AVEN: variants seen among roughly 807,000 people sequenced by gnomAD.
The protein encoded by AVEN is cell death regulator Aven.
Under a neutral mutation model 38.1 loss-of-function variants are expected in AVEN, and 41 were observed. The observed-to-expected ratio is 1.08, with a 90% CI of 0.84 to 1.40. The LOEUF is 1.40. Among genes scored for constraint, AVEN ranks in the 40% most tolerant of loss-of-function variants. The probability of loss-of-function intolerance (pLI) is 0.00; values close to 1 mark genes in which losing one functional copy is unlikely to be tolerated. For synonymous variants in AVEN, 206 were observed against 171.8 expected, an observed-to-expected ratio of 1.20 and a Z score of -1.56; for missense variants, 605 against 438.8, an observed-to-expected ratio of 1.38 and a Z score of -3.38.
chr15:33,899,594 G>A (rs376714678), intron 2 of AVEN, among the ~76,000 whole-genome samples: 18 of 148,706 alleles, frequency 1.2e-4, no homozygotes, highest in East Asian at 8.0e-4. Flanking sequence ...TCAGCCTCCC[G>A]AGTAGCTGGA....
chr15:34,059,021 C>G (rs1030157740), intron 5 of AVEN, among the ~76,000 whole-genome samples: 1 of 152,138 alleles, frequency 6.6e-6, no homozygotes, highest in Non-Finnish European at 1.5e-5. Flanking sequence ...CTCAACCTCC[C>G]AAGTAGCTAA....
At chr15:33,978,476 C>G (rs1004582665) in intron 2 of AVEN, among the ~76,000 whole-genome samples, 2 of 152,096 alleles carry the variant, frequency 1.3e-5, no homozygotes, top group Admixed American at 1.3e-4. Flanking sequence ...CCAGCCTGAT[C>G]AACATGGTGA....
upstream of AVEN, among the ~76,000 whole-genome samples, chr15:34,042,462 G>A (rs1597383031): frequency 6.8e-6 from 1 of 147,250 alleles, no homozygotes; most frequent in South Asian, 2.2e-4. Context: ...GTACAATGGC[G>A]CAATCTCAGC....
intron 2 of AVEN, chr15:34,066,996 A>C (rs1005176359): frequency 1.3e-5 from 2 of 152,164 alleles, no homozygotes; most frequent in Admixed American, 1.3e-4. Context: ...GAATAGACCT[A>C]ATTGTAAACT....
At chr15:33,925,239 A>AT (rs1893566286) in intron 2 of AVEN, among the ~76,000 whole-genome samples, 1 of 152,096 alleles carries the variant, frequency 6.6e-6, no homozygotes, top group South Asian at 2.1e-4. Flanking sequence ...ACCTAACATC[A>AT]TTTTTTGCAA....
chr15:34,052,135 A>C (rs1420690891), intron 5 of AVEN, among the ~76,000 whole-genome samples: 1 of 152,218 alleles, frequency 6.6e-6, no homozygotes, highest in Non-Finnish European at 1.5e-5. Context: ...AGCACATCAA[A>C]AAGTTTATCC....
chr15:33,979,051 T>C (rs1245583365), intron 2 of AVEN, among the ~76,000 whole-genome samples: 1 of 152,192 alleles, frequency 6.6e-6, no homozygotes, highest in Admixed American at 6.5e-5. Flanking sequence ...AAGGTTGACA[T>C]ACTTGAGAAT....
At chr15:33,954,020 A>G (rs938734184) in intron 2 of AVEN, among the ~76,000 whole-genome samples, 1 of 152,260 alleles carries the variant, frequency 6.6e-6, no homozygotes, top group African/African-American at 2.4e-5. Context: ...TCAAAAGAAG[A>G]CATTTATGCA....
At chr15:33,860,610 C>G (rs986953202) in intron 11 of AVEN, 1 of 1,588,974 alleles carries the variant, frequency 6.3e-7, no homozygotes, top group Non-Finnish European at 8.6e-7. Flanking sequence ...ATTATTGATG[C>G]TTTCGGAGAG....
chr15:33,873,532 TTATA>T (rs1295673894), intron 3 of AVEN, among the ~76,000 whole-genome samples: 1 of 148,052 alleles, frequency 6.8e-6, no homozygotes, highest in Non-Finnish European at 1.5e-5. Flanking sequence ...ATAATATATA[TTATA>T]TATATGCACT....
downstream of AVEN, chr15:33,858,025 A>T: frequency 7.3e-7 from 1 of 1,368,732 alleles, no homozygotes; most frequent in Non-Finnish European, 1.0e-6. Flanking sequence ...CTGTAGAGTT[A>T]GTTACAGAGC....
chr15:33,919,226 C>A (rs1030945927), intron 2 of AVEN, among the ~76,000 whole-genome samples: 1 of 152,062 alleles, frequency 6.6e-6, no homozygotes, highest in South Asian at 2.1e-4. Flanking sequence ...AGAAAAAAAT[C>A]CATACTAATA....
intron 5 of AVEN, among the ~76,000 whole-genome samples, chr15:34,055,010 T>C (rs1032439674): frequency 1.3e-5 from 2 of 151,948 alleles, no homozygotes; most frequent in African/African-American, 2.4e-5. Context: ...CTGACCAACA[T>C]GGAGAAACCC....
chr15:34,073,986 CTTCTTTTTTTTTT>C (rs1900686308), intron 1 of AVEN, among the ~76,000 whole-genome samples: 2 of 112,244 alleles, frequency 1.8e-5, no homozygotes, highest in Non-Finnish European at 3.3e-5. Flanking sequence ...TTTTCTTCTT[CTTCTTTTTTTTTT>C]TTTTTTTTTT....
At chr15:34,002,787 T>C (rs182680392) in intron 2 of AVEN, among the ~76,000 whole-genome samples, 5 of 152,322 alleles carry the variant, frequency 3.3e-5, no homozygotes, top group Admixed American at 6.5e-5. Flanking sequence ...TTTCCACTTA[T>C]AGAAAGCCTT....
At chr15:34,010,147 C>T (rs1390625430) in intron 1 of AVEN, among the ~76,000 whole-genome samples, 1 of 152,038 alleles carries the variant, frequency 6.6e-6, no homozygotes, top group Non-Finnish European at 1.5e-5. Flanking sequence ...CAAAAGGAAC[C>T]ATATGCTTAA....
chr15:33,977,765 G>A (rs1256641379), intron 2 of AVEN, among the ~76,000 whole-genome samples: 3 of 152,076 alleles, frequency 2.0e-5, no homozygotes, highest in Non-Finnish European at 4.4e-5. Flanking sequence ...AAAACAGCCA[G>A]GTTTGAATTA....
chr15:33,961,995 C>T (rs1381584392), intron 2 of AVEN, among the ~76,000 whole-genome samples: 1 of 151,884 alleles, frequency 6.6e-6, no homozygotes. Flanking sequence ...GGGCAGAGCA[C>T]AGCATATTTA....
intron 2 of AVEN, among the ~76,000 whole-genome samples, chr15:33,999,800 C>G (rs1291774919): frequency 6.6e-6 from 1 of 152,210 alleles, no homozygotes; most frequent in Non-Finnish European, 1.5e-5. Flanking sequence ...CCGCTCCCCT[C>G]TTGCCAGTCT....
Sources: gnomAD v4.1 joint callset for allele counts (sites outside exome capture counted in the v4.1 genomes callset) on GRCh38, gnomAD v4.1.1 for gene constraint, MANE v1.5 for transcripts, NCBI Gene and HGNC (gene_info 2026-07-23, HGNC 2026-07-21) for gene names.